The following TBC1D22A variants were observed in gnomAD, a reference collection of about 807,000 sequenced individuals.
TBC1D22A encodes putative GTPase activator.
Under a neutral mutation model 60.2 loss-of-function variants are expected in TBC1D22A, and 38 were observed. The ratio of observed to expected loss-of-function variants is 0.63; its 90% CI spans 0.49 to 0.83. TBC1D22A has a LOEUF of 0.83. Among genes scored for constraint, TBC1D22A ranks in the 40% least tolerant of loss-of-function variants. The probability of loss-of-function intolerance (pLI) is 0.00; values close to 1 mark genes in which losing one functional copy is unlikely to be tolerated. For missense variants in TBC1D22A, 628 were observed against 701.0 expected, an observed-to-expected ratio of 0.90 and a Z score of 1.18; for synonymous variants, 302 against 281.7, an observed-to-expected ratio of 1.07 and a Z score of -0.72.
At chr22:46,808,845 C>T (rs59502292) in intron 4 of TBC1D22A, among the ~76,000 whole-genome samples, 2,200 of 152,328 alleles carry the variant, frequency 0.014, 54 homozygotes, top group African/African-American at 0.045. Context: ...CCACCCTCCT[C>T]GGCCTTCCAA....
chr22:47,112,656 A>T (rs1462014227), intron 12 of TBC1D22A, among the ~76,000 whole-genome samples: 4 of 152,192 alleles, frequency 2.6e-5, no homozygotes, highest in African/African-American at 4.8e-5. Context: ...GGCCCAGCAG[A>T]TGGAACCCAG....
At chr22:46,969,953 T>C (rs989015099) in intron 8 of TBC1D22A, among the ~76,000 whole-genome samples, 3 of 152,202 alleles carry the variant, frequency 2.0e-5, no homozygotes, top group Non-Finnish European at 2.9e-5. Flanking sequence ...TTTTTAATTA[T>C]GTGTTTGCAA....
chr22:47,109,558 T>A (rs1261826042), intron 11 of TBC1D22A, among the ~76,000 whole-genome samples: 1 of 152,136 alleles, frequency 6.6e-6, no homozygotes, highest in East Asian at 1.9e-4. Flanking sequence ...CTTGTCCAGG[T>A]GCCTCCCTGA....
At chr22:46,878,587 A>C in intron 4 of TBC1D22A, 66 bp from the exon 5 acceptor site, 1 of 1,391,428 alleles carries the variant, frequency 7.2e-7, no homozygotes, top group South Asian at 1.2e-5. Context: ...AATGTGTTAA[A>C]GCACTGGGGA....
chr22:46,823,520 G>T (rs571717678), intron 4 of TBC1D22A, among the ~76,000 whole-genome samples: 2 of 152,314 alleles, frequency 1.3e-5, no homozygotes, highest in African/African-American at 4.8e-5. Context: ...GGGAAGCTGT[G>T]TGGCAGGTGC....
chr22:46,985,857 T>G (rs2074703869), intron 9 of TBC1D22A, among the ~76,000 whole-genome samples: 1 of 152,264 alleles, frequency 6.6e-6, no homozygotes, highest in Non-Finnish European at 1.5e-5. Context: ...AGACAGATAT[T>G]TTGAGAATGT....
chr22:46,944,296 AT>A (rs1244470146), intron 8 of TBC1D22A, among the ~76,000 whole-genome samples: 4 of 152,014 alleles, frequency 2.6e-5, no homozygotes, highest in African/African-American at 9.7e-5. Context: ...TAATGTGTTT[AT>A]TTTTGTTTTG....
intron 11 of TBC1D22A, among the ~76,000 whole-genome samples, chr22:47,096,580 G>C (rs920746848): frequency 6.6e-6 from 1 of 152,176 alleles, no homozygotes; most frequent in Non-Finnish European, 1.5e-5. Flanking sequence ...CCAGCACTTT[G>C]GGGGGCCGAG....
intron 11 of TBC1D22A, among the ~76,000 whole-genome samples, chr22:47,099,787 G>C (rs1481206228): frequency 6.6e-6 from 1 of 152,168 alleles, no homozygotes; most frequent in Non-Finnish European, 1.5e-5. Flanking sequence ...GGGTGGCTCT[G>C]CCAGGTCTCA....
At chr22:46,957,052 G>A (rs1364805930) in intron 8 of TBC1D22A, among the ~76,000 whole-genome samples, 1 of 152,190 alleles carries the variant, frequency 6.6e-6, no homozygotes, top group African/African-American at 2.4e-5. Context: ...GCCTGTGGAG[G>A]CCTTGCTCTG....
At chr22:47,162,667 C>T (rs535962691) in intron 12 of TBC1D22A, among the ~76,000 whole-genome samples, 649 of 55,240 alleles carry the variant, frequency 0.012, 39 homozygotes, top group African/African-American at 0.03. Flanking sequence ...ACTGCGGACC[C>T]GGTGCAGGGA....
intron 8 of TBC1D22A, chr22:46,913,781 TG>T: frequency 1.0e-6 from 1 of 984,728 alleles, no homozygotes; most frequent in Non-Finnish European, 1.2e-6. Flanking sequence ...TAAATAAGTT[TG>T]TTTTAACTAC....
intron 12 of TBC1D22A, chr22:47,116,101 T>A (rs781556853): frequency 1.3e-5 from 2 of 152,182 alleles, no homozygotes; most frequent in African/African-American, 2.4e-5. Flanking sequence ...CAGCTTCCCC[T>A]CCTTGGAGCC....
At chr22:47,172,684 A>G (rs894732228) in intron 12 of TBC1D22A, among the ~76,000 whole-genome samples, 2 of 152,250 alleles carry the variant, frequency 1.3e-5, no homozygotes, top group East Asian at 3.9e-4. Context: ...AAATAAGCAC[A>G]TTAGAAAGCA....
At chr22:46,926,090 A>C (rs375519410) in intron 8 of TBC1D22A, among the ~76,000 whole-genome samples, 1 of 152,250 alleles carries the variant, frequency 6.6e-6, no homozygotes, top group East Asian at 1.9e-4. Context: ...AAGAAATCGT[A>C]AGGGAAATTA....
intron 9 of TBC1D22A, among the ~76,000 whole-genome samples, chr22:46,981,622 A>G (rs2074515269): frequency 6.6e-6 from 1 of 152,176 alleles, no homozygotes; most frequent in African/African-American, 2.4e-5. Context: ...CACTTTGCTC[A>G]GTACTTCTCC....
At chr22:46,889,540 A>G (rs1449157336) in intron 5 of TBC1D22A, among the ~76,000 whole-genome samples, 1 of 152,224 alleles carries the variant, frequency 6.6e-6, no homozygotes, top group East Asian at 1.9e-4. Flanking sequence ...CCCAAAGCGT[A>G]TGCCCACGAA....
intron 11 of TBC1D22A, among the ~76,000 whole-genome samples, chr22:47,075,221 T>C (rs1209012321): frequency 2.1e-5 from 1 of 47,168 alleles, no homozygotes; most frequent in African/African-American, 1.3e-4. Context: ...AGATTCCGTC[T>C]CAAAAAAAAA....
chr22:46,924,119 A>G (rs2070911581), intron 8 of TBC1D22A, among the ~76,000 whole-genome samples: 1 of 152,228 alleles, frequency 6.6e-6, no homozygotes, highest in Non-Finnish European at 1.5e-5. Context: ...AGAGCAAGAA[A>G]CAAAGAAGTA....
Sources: gnomAD v4.1 joint callset for allele counts (sites outside exome capture counted in the v4.1 genomes callset) on GRCh38, gnomAD v4.1.1 for gene constraint, MANE v1.5 for transcripts, NCBI Gene and HGNC (gene_info 2026-07-23, HGNC 2026-07-21) for gene names.